The following THADA variants were observed in gnomAD, a reference collection of about 807,000 sequenced individuals.
The protein encoded by THADA is tRNA (32-2'-O)-methyltransferase regulator THADA.
A neutral mutation model predicts 219.8 loss-of-function variants in THADA; 213 were observed. That is an observed-to-expected ratio of 0.97 (90% CI 0.87 to 1.09). THADA has a LOEUF of 1.09. Among genes scored for constraint, THADA ranks in the 50% least tolerant of loss-of-function variants. The probability of loss-of-function intolerance (pLI) is 0.00; values close to 1 mark genes in which losing one functional copy is unlikely to be tolerated. For missense variants in THADA, 2,956 were observed against 2,311.3 expected (o/e 1.28, Z -5.72); for synonymous variants, 1,018 against 828.9 (o/e 1.23, Z -3.92).
chr2:43,539,021 AGAATT>A (rs1416082820), intron 21 of THADA, among the ~76,000 whole-genome samples: 1 of 152,222 alleles, frequency 6.6e-6, no homozygotes, highest in African/African-American at 2.4e-5. Context: ...AAAATAGAAT[AGAATT>A]GTATTTTAGA....
At chr2:43,286,265 G>A (rs1433464045) in intron 35 of THADA, among the ~76,000 whole-genome samples, 3 of 152,166 alleles carry the variant, frequency 2.0e-5, no homozygotes, top group Admixed American at 1.3e-4. Flanking sequence ...TGGGCTAGGG[G>A]ACAGAAAAGG....
At chr2:43,328,811 T>C (rs1017092653) in intron 30 of THADA, among the ~76,000 whole-genome samples, 19 of 152,236 alleles carry the variant, frequency 1.2e-4, no homozygotes, top group Non-Finnish European at 5.9e-5. Context: ...CAGCCTCCTC[T>C]GTTTCCCTTA....
rs142518868 is a variant in THADA at position 43,403,930 on chromosome 2, G to C, written c.4059-5791C>G. Among the ~76,000 whole-genome samples, 321 of 152,180 alleles carry C rather than the reference G, an allele frequency of 2.1e-3. 1 individual carries two copies. The highest frequency in any genetic ancestry group is 6.8e-3 in the Middle Eastern group (2 of 294). On this transcript the variant is annotated intron_variant, in intron 28 of 37. Transcript: ENST00000405975. ...CACAGCTGTCAGCTCCTGGGAAATG[G>C]TCATCTACTGACAACCCAAAGTTGA...
At chr2:43,256,184 TTGG>T (rs1290048725) in intron 36 of THADA, among the ~76,000 whole-genome samples, 2 of 152,156 alleles carry the variant, frequency 1.3e-5, no homozygotes, top group African/African-American at 4.8e-5. Context: ...TCCTCTTAAC[TTGG>T]TGAAGAAAAG....
intron 31 of THADA, among the ~76,000 whole-genome samples, chr2:43,313,201 G>C (rs1421193931): frequency 2.0e-5 from 3 of 152,088 alleles, no homozygotes; most frequent in Non-Finnish European, 2.9e-5. Flanking sequence ...CATCTAAGCT[G>C]GCCTGCAGAG....
intron 31 of THADA, among the ~76,000 whole-genome samples, chr2:43,301,891 G>T (rs1164029772): frequency 6.6e-6 from 1 of 152,176 alleles, no homozygotes; most frequent in East Asian, 1.9e-4. Flanking sequence ...TTTGTGTCCT[G>T]CCATAAAGAG....
rs1275180495 is a variant in THADA at position 43,320,540 on chromosome 2, C to T, written c.4344G>A (p.Arg1448=). 6.2e-7 allele frequency: 1 copy of T among 1,608,784 alleles called. No individual in the cohort carries two copies. Among genetic ancestry groups the T allele is most frequent in the Non-Finnish European group, 8.5e-7 (1 of 1,177,158 alleles). ...CTCTGGTCACCAAACATGGATTTTG[C>T]CTAGAAAGGTAAAGAACAGAATATA... ...CTKAKLWLAK[R]QNPCLVTRAV... Residue 1448 remains arginine, a splice_region_variant and synonymous_variant, in exon 31 of 38, where the codon AGG becomes AGA. Coordinates refer to ENST00000405975, the MANE Select transcript of THADA (RefSeq NM_022065.5).
chr2:43,480,946 T>C, intron 26 of THADA, among the ~76,000 whole-genome samples: 1 of 152,252 alleles, frequency 6.6e-6, no homozygotes, highest in Admixed American at 6.5e-5. Flanking sequence ...TAAGCTATTC[T>C]GAATTCTAAT....
At chr2:43,359,231 A>C (rs1026005049) in intron 29 of THADA, among the ~76,000 whole-genome samples, 2 of 152,222 alleles carry the variant, frequency 1.3e-5, no homozygotes, top group Non-Finnish European at 2.9e-5. Flanking sequence ...AAAGTCATAG[A>C]GAAAGGATGC....
At chr2:43,585,104 GA>G (rs1700868340) in intron 7 of THADA, among the ~76,000 whole-genome samples, 1 of 152,020 alleles carries the variant, frequency 6.6e-6, no homozygotes, top group African/African-American at 2.4e-5. Flanking sequence ...TTTCCCCAAG[GA>G]AGAGTTACCC....
At chr2:43,387,677 G>A (rs1672863634) in intron 29 of THADA, among the ~76,000 whole-genome samples, 2 of 152,114 alleles carry the variant, frequency 1.3e-5, no homozygotes, top group Non-Finnish European at 2.9e-5. Flanking sequence ...TGCCTCCCTA[G>A]GGGACATAGG....
chr2:43,474,083 G>A (rs569044575), intron 26 of THADA, among the ~76,000 whole-genome samples: 1 of 152,284 alleles, frequency 6.6e-6, no homozygotes, highest in Admixed American at 6.5e-5. Context: ...TGACTGAAAT[G>A]TTATGTGGGG....
At position 43,527,931 on chromosome 2, in the gene THADA, C is replaced by A. The variant is rs1002869906; in HGVS notation, c.3322G>T (p.Ala1108Ser). Reference sequence around the variant, plus strand: ...AAACCAGTATAAGCCAATTCAAATGCTCCTCTGTGCCTGGACTGCAAAAGG... The same window carrying A: ...AAACCAGTATAAGCCAATTCAAATGATCCTCTGTGCCTGGACTGCAAAAGG... ...QHLLQSRHRG[A>S]FELAYTGFVK... Residue 1108 changes from alanine to serine, a missense_variant, in exon 22 of 38, where the codon GCA (alanine) becomes TCA (serine). Coordinates refer to ENST00000405975, the MANE Select transcript of THADA (RefSeq NM_022065.5). The A allele has an allele frequency of 3.1e-6, 5 of 1,613,602 alleles. No homozygotes were observed. In the African/African-American group the frequency reaches 6.7e-5, roughly 22 times the overall value.
At chr2:43,469,366 C>T (rs1448855249) in intron 26 of THADA, among the ~76,000 whole-genome samples, 6 of 152,114 alleles carry the variant, frequency 3.9e-5, no homozygotes, top group Non-Finnish European at 7.3e-5. Flanking sequence ...GCAGGTCCAA[C>T]TTACAGAGGG....
chr2:43,444,632 T>C (rs755224406), intron 26 of THADA, among the ~76,000 whole-genome samples: 3 of 152,048 alleles, frequency 2.0e-5, no homozygotes, highest in Admixed American at 6.6e-5. Context: ...ATATGAAAAG[T>C]TGCAATGCCA....
intron 26 of THADA, among the ~76,000 whole-genome samples, chr2:43,467,074 C>T (rs976372130): frequency 6.9e-6 from 1 of 145,538 alleles, no homozygotes; most frequent in Admixed American, 7.1e-5. Context: ...CCCAGCTACT[C>T]GGGAGGCTGA....
intron 26 of THADA, among the ~76,000 whole-genome samples, chr2:43,442,320 C>T (rs890984724): frequency 1.3e-5 from 2 of 152,076 alleles, no homozygotes; most frequent in African/African-American, 4.8e-5. Flanking sequence ...CCTGTAATCC[C>T]AGCTACTCCA....
intron 28 of THADA, among the ~76,000 whole-genome samples, chr2:43,405,550 G>A (rs1675434535): frequency 6.6e-6 from 1 of 152,132 alleles, no homozygotes; most frequent in Non-Finnish European, 1.5e-5. Flanking sequence ...CGAACTAGTT[G>A]CTCCTTTTCC....
chr2:43,438,357 T>C (rs935127618), intron 26 of THADA, among the ~76,000 whole-genome samples: 10 of 150,738 alleles, frequency 6.6e-5, no homozygotes, highest in Non-Finnish European at 1.3e-4. Flanking sequence ...ACCCTCAAAT[T>C]GGCAAAGACT....
Sources: allele counts gnomAD v4.1 joint callset (sites outside exome capture counted in the v4.1 genomes callset), GRCh38; gene constraint gnomAD v4.1.1; transcripts MANE v1.5; gene names NCBI Gene and HGNC (gene_info 2026-07-23, HGNC 2026-07-21).